The following SLURP2 variants were observed in gnomAD, a reference collection of about 807,000 sequenced individuals.
SLURP2 encodes the protein secreted Ly-6/uPAR domain-containing protein 2.
A neutral mutation model predicts 9.8 loss-of-function variants in SLURP2; 4 were observed. The observed-to-expected ratio is 0.41, with a 90% CI of 0.20 to 0.94. The LOEUF (loss-of-function observed/expected upper bound fraction) is 0.94. Among genes scored for constraint, SLURP2 ranks in the 40% least tolerant of loss-of-function variants. The pLI is 0.32. For missense variants in SLURP2, 118 were observed against 126.4 expected (o/e 0.93, Z 0.32); for synonymous variants, 58 against 56.2 (o/e 1.03, Z -0.15).
chr8:142,769,308 C>G (rs965226748), intron 1 of SLURP2, among the ~76,000 whole-genome samples: 1 of 151,718 alleles, frequency 6.6e-6, no homozygotes, highest in African/African-American at 2.4e-5. Flanking sequence ...GATGGGAGAG[C>G]AGAGGGACTT....
chr8:142,764,496 C>G lies in SLURP2; in HGVS notation c.*109G>C, dbSNP rs763685830. ...GGTGCTGGACGGTGGCTGCAGAGGC[C>G]GGGAGAGGTGGGCTGGCCAGTCTCG... On this transcript the variant is annotated 3_prime_UTR_variant, in exon 3 of 3. Transcript: ENST00000317543. 1.1e-4 allele frequency: 129 copies of G among 1,151,462 alleles called. No homozygotes were observed. The highest frequency in any genetic ancestry group is 1.5e-4 in the Non-Finnish European group (119 of 790,766). 71.3% of individuals were successfully genotyped at this position (1,151,462 alleles called of 1,614,324 possible). A position where few individuals can be genotyped will look rare whatever the true frequency, so the allele number is the denominator to read the frequency against.
chr8:142,768,081 G>A lies in SLURP2; in HGVS notation c.52+1674C>T, dbSNP rs1320768746. ...GGAAAGGCTGCTCGATGGTGACTGT[G>A]AGGACACAGGGACAGTGTTCAGACT... On this transcript the variant is annotated intron_variant, in intron 1 of 2. Coordinates refer to ENST00000317543, the MANE Select transcript of SLURP2 (RefSeq NM_177458.3). The surrounding 1 kb of genome is among the most constrained non-coding windows in gnomAD (Gnocchi z 4.8). 3.3e-5 allele frequency among the ~76,000 whole-genome samples: 5 copies of A among 151,714 alleles called. No individual in the cohort carries two copies. The highest frequency in any genetic ancestry group is 1.2e-4 in the African/African-American group (5 of 41,258).
intron 1 of SLURP2, among the ~76,000 whole-genome samples, chr8:142,767,082 A>G (rs1815029368): frequency 6.6e-6 from 1 of 152,218 alleles, no homozygotes; most frequent in Non-Finnish European, 1.5e-5. Flanking sequence ...ATGCACCAGC[A>G]CTGAGCTGAC....
intron 1 of SLURP2, among the ~76,000 whole-genome samples, chr8:142,765,968 AAAAAACAAAAAAC>A (rs1418115023): frequency 0.011 from 1,586 of 138,848 alleles, 31 homozygotes; most frequent in African/African-American, 0.04. Flanking sequence ...ACCTCAAAAA[AAAAAACAAAAAAC>A]AAAAAACAAA....
rs1815058354 is a variant in SLURP2 at position 142,768,123 on chromosome 8, G to C, written c.52+1632C>G. ...GTTCAGACTGGCGCCTGACACACGG[G>C]AGGGAGGGGAGATCAGGGGGAGAAG... On this transcript the variant is annotated intron_variant, in intron 1 of 2. Transcript: ENST00000317543. The surrounding 1 kb of genome is among the most constrained non-coding windows in gnomAD (Gnocchi z 4.8). Among the ~76,000 whole-genome samples the C allele has an allele frequency of 1.3e-5, 2 of 151,224 alleles. No homozygotes were observed. The highest frequency in any genetic ancestry group is 4.9e-5 in the African/African-American group (2 of 41,044).
rs954960133 is a variant in SLURP2, at chr8:142,768,944, G to A, written c.52+811C>T. 6.6e-5 allele frequency among the ~76,000 whole-genome samples: 10 copies of A among 152,198 alleles called. No homozygotes were observed. The highest frequency in any genetic ancestry group is 8.8e-5 in the Non-Finnish European group (6 of 68,028). On this transcript the variant is annotated intron_variant, in intron 1 of 2. Transcript: ENST00000317543. The surrounding 1 kb of genome is among the most constrained non-coding windows in gnomAD (Gnocchi z 4.8). ...TTCAACCCACAGCCAGGGACGCAGA[G>A]GCTTGGCCCCTGGGGGGCTGGGCTG...
intron 1 of SLURP2, among the ~76,000 whole-genome samples, 172 bp downstream of exon 1, chr8:142,769,583 G>A (rs1375705439): frequency 6.6e-6 from 1 of 151,278 alleles, no homozygotes; most frequent in African/African-American, 2.4e-5. Flanking sequence ...GAGCTGGATG[G>A]ACCTGCAGGA....
In SLURP2 at chr8:142,764,725, G is replaced by A. The variant is rs1274616200; in HGVS notation, c.174C>T (p.Thr58=). 8.1e-6 allele frequency: 13 copies of A among 1,613,480 alleles called. No individual in the cohort carries two copies. The highest frequency in any genetic ancestry group is 2.2e-5 in the East Asian group (1 of 44,876). ...TCTTGGTGACCAGAGGCAAATCCTC[G>A]GTGTTGCTGAGGACCCCTGAGTGGG... ...VTTATRVLSN[T]EDLPLVTKMC... The change falls in exon 3 of 3, where the codon ACC becomes ACT. Residue 58 remains threonine (T), a synonymous_variant. Coordinates refer to ENST00000317543, the MANE Select transcript of SLURP2 (RefSeq NM_177458.3).
At position 142,765,057 on chromosome 8, in the gene SLURP2, G is replaced by C. The variant is rs752540064; in HGVS notation, c.136C>G (p.His46Asp). ...HGSRCLRDST[H>D]CVTTATRVLS... ...TTACGGGTGGCAGTGGTGACACAGT[G>C]GGTGGAGTCCCTCAGGCATCTGGAT... is the stretch of plus-strand genomic sequence containing the variant. Residue 46 changes from histidine to aspartate, a missense_variant, in exon 2 of 3, where the codon CAC (histidine) becomes GAC (aspartate). Coordinates refer to ENST00000317543, the MANE Select transcript of SLURP2 (RefSeq NM_177458.3). 6.2e-7 allele frequency: 1 copy of C among 1,612,424 alleles called. No homozygotes were observed. The highest frequency in any genetic ancestry group is 8.5e-7 in the Non-Finnish European group (1 of 1,179,580).
chr8:142,764,834 G>A (rs587705644), intron 2 of SLURP2, 93 bp from the exon 3 acceptor site: 8 of 1,482,214 alleles, frequency 5.4e-6, no homozygotes, highest in African/African-American at 4.2e-5. Context: ...AGGGTCAGAC[G>A]CCCCAGGTAC....
Position 142,764,691 on chromosome 8 carries a change from T to C in SLURP2, c.208A>G (p.Ile70Val). The C allele has an allele frequency of 1.9e-6, 3 of 1,613,156 alleles. No individual in the cohort carries two copies. Among genetic ancestry groups the C allele is most frequent in the Non-Finnish European group, 8.5e-7 (1 of 1,179,682 alleles). The change falls in exon 3 of 3, where the codon ATA (isoleucine) becomes GTA (valine). Residue 70 changes from isoleucine to valine, a missense_variant. Transcript: ENST00000317543. Reference protein sequence around the residue: ...DLPLVTKMCHIGCPDIPSLGL... With the variant: ...DLPLVTKMCHVGCPDIPSLGL... ...AGGCTGGGGATATCGGGGCAGCCTA[T>C]GTGGCACATCTTGGTGACCAGAGGC...
intron 1 of SLURP2, among the ~76,000 whole-genome samples, chr8:142,767,522 T>A (rs1587605362): frequency 6.6e-6 from 1 of 151,874 alleles, no homozygotes; most frequent in African/African-American, 2.4e-5. Context: ...TGCCCAAGGG[T>A]GCCATGGAGA....
At chr8:142,769,512 G>A (rs1018263338) in intron 1 of SLURP2, among the ~76,000 whole-genome samples, 1 of 143,326 alleles carries the variant, frequency 7.0e-6, no homozygotes, top group Admixed American at 7.0e-5. Flanking sequence ...GGAAGAGGGG[G>A]GTTTGAGCCA....
chr8:142,764,560 G>A lies in SLURP2; in HGVS notation c.*45C>T, dbSNP rs1346856667. 2 of 1,587,700 alleles carry A rather than the reference G, an allele frequency of 1.3e-6. No individual in the cohort carries two copies. Among genetic ancestry groups the A allele is most frequent in the African/African-American group, 1.4e-5 (1 of 73,590 alleles). ...TGTGAGCCCTGGCGCCAGGCTGTGG[G>A]GGCTGTGGGGGCTGAGCGTCCGGGG... On this transcript the variant is annotated 3_prime_UTR_variant, in exon 3 of 3. Transcript: ENST00000317543.
chr8:142,769,680 A>T (rs1563835001), intron 1 of SLURP2, 75 bp downstream of exon 1: 1 of 1,397,098 alleles, frequency 7.2e-7, no homozygotes, highest in Non-Finnish European at 9.9e-7. Flanking sequence ...GTCACAGCCC[A>T]GGGCTGGAGG....
At chr8:142,766,659 C>T (rs965338057) in intron 1 of SLURP2, among the ~76,000 whole-genome samples, 10 of 152,230 alleles carry the variant, frequency 6.6e-5, no homozygotes, top group African/African-American at 2.2e-4. Context: ...TCATCCCTGA[C>T]TCTGTCCTCT....
intron 1 of SLURP2, chr8:142,766,399 TG>T (rs1404735449): frequency 2.6e-5 from 4 of 152,078 alleles, no homozygotes; most frequent in Admixed American, 2.0e-4. Flanking sequence ...ACTGGGCTGG[TG>T]CACCTAAATA....
rs1323275647 is a variant in SLURP2 at position 142,768,737 on chromosome 8, T to C, written c.52+1018A>G. On this transcript the variant is annotated intron_variant, in intron 1 of 2. Coordinates refer to ENST00000317543, the MANE Select transcript of SLURP2 (RefSeq NM_177458.3). The surrounding 1 kb of genome is among the most constrained non-coding windows in gnomAD (Gnocchi z 4.8). ...TCTCGGACCTTCAGCACAGAGCTGG[T>C]CTGCCCTCATGACCCTGGGGCAGTC... is the stretch of plus-strand genomic sequence containing the variant. Among the ~76,000 whole-genome samples, 3 of 152,134 alleles carry C rather than the reference T, an allele frequency of 2.0e-5. No individual in the cohort carries two copies. Among genetic ancestry groups the C allele is most frequent in the Non-Finnish European group, 4.4e-5 (3 of 68,000 alleles).
rs79649145 is a variant in SLURP2 at position 142,768,077 on chromosome 8, C to T, written c.52+1678G>A. Among the ~76,000 whole-genome samples, 11,839 of 151,038 alleles carry T rather than the reference C, an allele frequency of 0.078. 746 individuals are homozygous for T. Among genetic ancestry groups the T allele is most frequent in the Admixed American group, 0.21 (3,180 of 15,174 alleles). On this transcript the variant is annotated intron_variant, in intron 1 of 2. Coordinates refer to ENST00000317543, the MANE Select transcript of SLURP2 (RefSeq NM_177458.3). This position sits in a 1 kb window ranked among gnomAD's most constrained non-coding sequence, Gnocchi z 4.8. ...AACCGGAAAGGCTGCTCGATGGTGACTGTGAGGACACAGGGACAGTGTTCA... is the reference window on the plus strand; with the variant it reads ...AACCGGAAAGGCTGCTCGATGGTGATTGTGAGGACACAGGGACAGTGTTCA...
Sources: gnomAD v4.1 joint callset for allele counts (sites outside exome capture counted in the v4.1 genomes callset) on GRCh38, gnomAD v4.1.1 for gene constraint, Gnocchi (gnomAD v3.1) non-coding constraint, MANE v1.5 for transcripts, NCBI Gene and HGNC (gene_info 2026-07-23, HGNC 2026-07-21) for gene names.